Variants in RPL38 observed in about 807,000 individuals in gnomAD.
RPL38 encodes large ribosomal subunit protein eL38.
RPL38 carries 2 observed loss-of-function variants against 12.8 expected under a neutral mutation model. The ratio of observed to expected loss-of-function variants is 0.16; its 90% CI spans 0.06 to 0.49. RPL38 has a LOEUF of 0.49. Among genes scored for constraint, RPL38 ranks in the 20% least tolerant of loss-of-function variants. The pLI, the probability that RPL38 is intolerant of heterozygous loss-of-function variation, is 0.96. For synonymous variants in RPL38, 42 were observed against 30.1 expected, an observed-to-expected ratio of 1.39 and a Z score of -1.29; for missense variants, 52 against 79.8, an observed-to-expected ratio of 0.65 and a Z score of 1.33.
At chr17:74,209,410 C>G in intron 4 of RPL38, 101 bp downstream of exon 4, 1 of 1,384,764 alleles carries the variant, frequency 7.2e-7, no homozygotes, top group Non-Finnish European at 1.0e-6. Flanking sequence ...GATTTCAGAG[C>G]CCATTTTATG....
At chr17:74,206,444 TCAGTAAATACACATTGTTGAGCAGCTGC>T (rs1363942969) in intron 3 of RPL38, among the ~76,000 whole-genome samples, 2 of 152,138 alleles carry the variant, frequency 1.3e-5, no homozygotes, top group Non-Finnish European at 2.9e-5. Context: ...TCAGTGGCAT[TCAGTAAATACACATTGTTGAGCAGCTGC>T]CACCATCACC....
chr17:74,209,504 TAGCC>T (rs572675815), intron 4 of RPL38, 195 bp downstream of exon 4: 105 of 704,220 alleles, frequency 1.5e-4, no homozygotes, highest in African/African-American at 1.3e-3. Flanking sequence ...ATCATTTCCT[TAGCC>T]AGAAGAGCGG....
intron 3 of RPL38, among the ~76,000 whole-genome samples, chr17:74,207,726 G>C (rs564352119): frequency 6.6e-6 from 1 of 151,138 alleles, no homozygotes; most frequent in Non-Finnish European, 1.5e-5. Flanking sequence ...GGCTGGTCTC[G>C]AACTCCCGAC....
chr17:74,204,303 C>G (rs923657633), intron 3 of RPL38, 113 bp downstream of exon 3: 147 of 883,812 alleles, frequency 1.7e-4, no homozygotes, highest in Non-Finnish European at 2.5e-4. Flanking sequence ...GGGTGTGTGC[C>G]TGGCCCTCTG....
At chr17:74,207,194 A>G (rs2050123145) in intron 3 of RPL38, among the ~76,000 whole-genome samples, 1 of 151,682 alleles carries the variant, frequency 6.6e-6, no homozygotes, top group African/African-American at 2.4e-5. Flanking sequence ...GGTGTTTTAG[A>G]GATGGATCTG....
In RPL38 at chr17:74,203,913, C is replaced by T. The variant is rs954227262; in HGVS notation, c.-38-5C>T. On this transcript the variant is annotated splice_region_variant and splice_polypyrimidine_tract_variant and intron_variant, in intron 1 of 4. Coordinates refer to ENST00000311111, the MANE Select transcript of RPL38 (RefSeq NM_000999.4). The stretch of plus-strand genomic sequence containing the variant: ...CGTGTTAACGCCGAGGACTGTTTCC[C>T]GCAGGTCCTGGTCCGCGCCAGAGCC... 6.3e-7 allele frequency: 1 copy of T among 1,587,422 alleles called. No individual in the cohort carries two copies.
intron 4 of RPL38, chr17:74,209,524 G>A: frequency 1.5e-6 from 1 of 663,610 alleles, no homozygotes. Flanking sequence ...AGCGGTTAGA[G>A]CTCATTTAAT....
intron 3 of RPL38, among the ~76,000 whole-genome samples, chr17:74,207,391 C>T (rs530831955): frequency 2.0e-5 from 3 of 152,302 alleles, no homozygotes; most frequent in Admixed American, 2.0e-4. Context: ...TGGGTTGCTT[C>T]TACATTTTCG....
At chr17:74,204,328 A>G in intron 3 of RPL38, 138 bp downstream of exon 3, 2 of 714,788 alleles carry the variant, frequency 2.8e-6, no homozygotes, top group Non-Finnish European at 4.8e-6. Flanking sequence ...CAGTGGTTTC[A>G]TCCTGTTTCC....
intron 3 of RPL38, among the ~76,000 whole-genome samples, chr17:74,206,902 G>C (rs995945374): frequency 3.3e-5 from 5 of 149,958 alleles, no homozygotes; most frequent in African/African-American, 1.2e-4. Flanking sequence ...TTTTAAAGTA[G>C]AGACGGGGTT....
At chr17:74,203,863 C>T (rs2050083438) in intron 1 of RPL38, 55 bp from the exon 2 acceptor site, 4 of 1,440,380 alleles carry the variant, frequency 2.8e-6, no homozygotes, top group South Asian at 1.4e-5. Context: ...AGCGGGAAAA[C>T]GGGGTTCGCT....
At chr17:74,208,264 T>C (rs529240720) in intron 3 of RPL38, among the ~76,000 whole-genome samples, 2 of 152,308 alleles carry the variant, frequency 1.3e-5, no homozygotes, top group East Asian at 3.9e-4. Context: ...TGGTAACTAC[T>C]CCTGGGAAGG....
Position 74,209,852 on chromosome 17 carries a change from G to A in RPL38, c.*23G>A. On this transcript the variant is annotated 3_prime_UTR_variant, in exon 5 of 5. Coordinates refer to ENST00000311111, the MANE Select transcript of RPL38 (RefSeq NM_000999.4). ...TGAACCAGACACACTGATTGGAACT[G>A]TATTATATTAAAATACTAAAAATCC... 6.3e-7 allele frequency: 1 copy of A among 1,590,502 alleles called. No homozygotes were observed. Among genetic ancestry groups the A allele is most frequent in the African/African-American group, 1.3e-5 (1 of 74,512 alleles).
chr17:74,207,662 C>T lies in RPL38; in HGVS notation c.65-1525C>T, dbSNP rs541516093. Among the ~76,000 whole-genome samples the T allele has an allele frequency of 2.5e-3, 387 of 152,090 alleles. 3 individuals are homozygous for T. The highest frequency in any genetic ancestry group is 8.8e-3 in the African/African-American group (364 of 41,484). On this transcript the variant is annotated intron_variant, in intron 3 of 4. Transcript: ENST00000311111. ...CCTCCTGAGTAGCTGGGATTACAGGCGCCTGGCTAATTTTTGTATTTTTAG... is the reference window on the plus strand; with the variant it reads ...CCTCCTGAGTAGCTGGGATTACAGGTGCCTGGCTAATTTTTGTATTTTTAG...
intron 3 of RPL38, among the ~76,000 whole-genome samples, chr17:74,206,774 G>A (rs749874542): frequency 6.1e-4 from 89 of 145,960 alleles, no homozygotes; most frequent in Admixed American, 9.0e-4. Context: ...GAGCAGTGGC[G>A]GAATCTCAGC....
chr17:74,209,661 CTAAA>C lies in RPL38; in HGVS notation c.188-140_188-137del. 4 of 741,984 alleles carry C rather than the reference CTAAA, an allele frequency of 5.4e-6. No homozygotes were observed. The South Asian group carries it at 6.3e-5, about 12-fold the overall frequency. 46.0% of individuals were successfully genotyped at this position (741,984 alleles called of 1,614,324 possible). On this transcript the variant is annotated intron_variant, in intron 4 of 4. Coordinates refer to ENST00000311111, the MANE Select transcript of RPL38 (RefSeq NM_000999.4). ...ATAGACCAAGTCTTTTTATCAAACA[CTAAA>C]TATTTTAACCGAAACTTCGCTGGTG...
In RPL38 at chr17:74,204,186, C is replaced by G. The variant is rs760737013; in HGVS notation, c.60C>G (p.Ala20=). ...TGCTCACAGCCCGACGAAAGGATGC[C>G]AAATGTAAGTGGTTGCTCCGAAGGT... ...DFLLTARRKD[A]KSVKIKKNKD... The change falls in exon 3 of 5, where the codon GCC becomes GCG. Residue 20 remains alanine, a synonymous_variant. Coordinates refer to ENST00000311111, the MANE Select transcript of RPL38 (RefSeq NM_000999.4). The G allele has an allele frequency of 1.2e-6, 2 of 1,614,036 alleles. No individual in the cohort carries two copies. Among genetic ancestry groups the G allele is most frequent in the East Asian group, 2.2e-5 (1 of 44,866 alleles).
Position 74,204,201 on chromosome 17 carries a change from G to A in RPL38, c.64+11G>A, listed in dbSNP as rs2050088941. On this transcript the variant is annotated intron_variant, in intron 3 of 4. Coordinates refer to ENST00000311111, the MANE Select transcript of RPL38 (RefSeq NM_000999.4). The stretch of plus-strand genomic sequence containing the variant: ...GAAAGGATGCCAAATGTAAGTGGTT[G>A]CTCCGAAGGTTCAAGAAGAGCGGTG... The A allele has an allele frequency of 1.2e-6, 2 of 1,613,856 alleles. No homozygotes were observed. Among genetic ancestry groups the A allele is most frequent in the Middle Eastern group, 1.7e-4 (1 of 6,060 alleles).
At chr17:74,204,385 G>C in intron 3 of RPL38, 195 bp downstream of exon 3, 1 of 595,238 alleles carries the variant, frequency 1.7e-6, no homozygotes, top group Non-Finnish European at 3.0e-6. Context: ...GGAATTTCTA[G>C]GACCATCTTT....
Sources: gnomAD v4.1 joint callset for allele counts (sites outside exome capture counted in the v4.1 genomes callset) on GRCh38, gnomAD v4.1.1 for gene constraint, MANE v1.5 for transcripts, NCBI Gene and HGNC (gene_info 2026-07-23, HGNC 2026-07-21) for gene names.